DLG2: variants seen among roughly 807,000 people sequenced by gnomAD.
DLG2 encodes disks large homolog 2.
Under a neutral mutation model 132.5 loss-of-function variants are expected in DLG2, and 45 were observed. The observed-to-expected ratio is 0.34, with a 90% CI of 0.27 to 0.44. The LOEUF is 0.44. Among genes scored for constraint, DLG2 ranks in the 20% least tolerant of loss-of-function variants. DLG2 has a pLI of 1.00. For synonymous variants in DLG2, 424 were observed against 419.6 expected, an observed-to-expected ratio of 1.01 and a Z score of -0.13; for missense variants, 1,045 against 1,196.9, an observed-to-expected ratio of 0.87 and a Z score of 1.87.
At chr11:83,696,509 C>A (rs947301687) in intron 18 of DLG2, among the ~76,000 whole-genome samples, 3 of 152,062 alleles carry the variant, frequency 2.0e-5, no homozygotes, top group Admixed American at 6.5e-5. Flanking sequence ...TTTTGGGCAT[C>A]TTGATATGAA....
intron 6 of DLG2, among the ~76,000 whole-genome samples, chr11:84,568,189 T>C (rs75652591): frequency 1.2e-3 from 184 of 152,224 alleles, no homozygotes; most frequent in Non-Finnish European, 2.0e-3. Flanking sequence ...TACTTCTGTG[T>C]TCCTGTGACA....
chr11:84,371,649 G>C (rs2098707047), intron 7 of DLG2, among the ~76,000 whole-genome samples: 1 of 152,010 alleles, frequency 6.6e-6, no homozygotes, highest in Admixed American at 6.6e-5. Context: ...GATTAAACAT[G>C]GCCTACCAAA....
intron 11 of DLG2, among the ~76,000 whole-genome samples, chr11:84,035,114 A>G (rs776651704): frequency 9.9e-5 from 15 of 151,936 alleles, no homozygotes; most frequent in Non-Finnish European, 2.2e-4. Flanking sequence ...GGTACTGTTC[A>G]TTTTTTCTCA....
intron 6 of DLG2, among the ~76,000 whole-genome samples, chr11:84,830,961 C>CCT (rs1555246505): frequency 9.2e-6 from 1 of 108,268 alleles, no homozygotes; most frequent in Non-Finnish European, 1.8e-5. Flanking sequence ...TCCCCCCACC[C>CCT]CCCCCAGCTC....
chr11:83,806,047 TG>T (rs1364592034), intron 17 of DLG2, among the ~76,000 whole-genome samples: 1 of 152,144 alleles, frequency 6.6e-6, no homozygotes, highest in African/African-American at 2.4e-5. Flanking sequence ...GTTATTCCCT[TG>T]GGCCTAACTT....
At chr11:85,504,168 T>C (rs1406004165) in intron 3 of DLG2, among the ~76,000 whole-genome samples, 2 of 152,208 alleles carry the variant, frequency 1.3e-5, no homozygotes, top group African/African-American at 2.4e-5. Flanking sequence ...AGGTTGCCTG[T>C]TCACTCTGAT....
At chr11:83,693,072 G>A (rs776609927) in intron 18 of DLG2, 2 of 152,172 alleles carry the variant, frequency 1.3e-5, no homozygotes, top group Non-Finnish European at 2.9e-5. Flanking sequence ...TTCTGAGAAA[G>A]TAAATAAGCT....
chr11:84,246,427 T>C (rs1474900202), intron 8 of DLG2, among the ~76,000 whole-genome samples: 1 of 152,156 alleles, frequency 6.6e-6, no homozygotes, highest in Non-Finnish European at 1.5e-5. Context: ...TTCAAGTAAC[T>C]CTTATTTTAC....
intron 11 of DLG2, among the ~76,000 whole-genome samples, chr11:84,039,930 T>C (rs1443481913): frequency 6.8e-6 from 1 of 147,536 alleles, no homozygotes; most frequent in African/African-American, 2.5e-5. Context: ...TGTGAGATGG[T>C]ATCTCATTGT....
At chr11:83,967,667 T>C (rs1592022442) in intron 12 of DLG2, among the ~76,000 whole-genome samples, 1 of 152,302 alleles carries the variant, frequency 6.6e-6, no homozygotes, top group East Asian at 1.9e-4. Flanking sequence ...TGCAATTTTT[T>C]CCCAATTTGT....
chr11:84,523,830 T>C (rs1360003206), intron 7 of DLG2, among the ~76,000 whole-genome samples: 1 of 152,222 alleles, frequency 6.6e-6, no homozygotes, highest in African/African-American at 2.4e-5. Flanking sequence ...AACACTTATC[T>C]AGAATTTTCT....
chr11:84,777,981 G>T (rs1019411737), intron 6 of DLG2, among the ~76,000 whole-genome samples: 2 of 151,978 alleles, frequency 1.3e-5, no homozygotes, highest in Non-Finnish European at 2.9e-5. Flanking sequence ...GTCTATTTTT[G>T]GTTTTGTTGC....
chr11:83,719,354 G>A (rs917862200), intron 18 of DLG2, among the ~76,000 whole-genome samples: 7 of 152,172 alleles, frequency 4.6e-5, no homozygotes, highest in African/African-American at 1.7e-4. Flanking sequence ...ATACCTCTGA[G>A]CACACTCAAA....
chr11:84,387,240 T>C (rs946475439), intron 7 of DLG2, among the ~76,000 whole-genome samples: 8 of 152,066 alleles, frequency 5.3e-5, no homozygotes, highest in African/African-American at 1.9e-4. Flanking sequence ...GAAGTGGTGA[T>C]TGACATCTAA....
chr11:85,511,305 T>A (rs1464748204), intron 3 of DLG2, among the ~76,000 whole-genome samples: 1 of 151,950 alleles, frequency 6.6e-6, no homozygotes, highest in African/African-American at 2.4e-5. Context: ...CATACCAACA[T>A]GGCACATGTA....
intron 7 of DLG2, among the ~76,000 whole-genome samples, chr11:84,461,784 C>T (rs2099080932): frequency 6.7e-6 from 1 of 150,254 alleles, no homozygotes; most frequent in African/African-American, 2.4e-5. Flanking sequence ...GAGAAAGGTG[C>T]CAGTTTATAG....
intron 18 of DLG2, among the ~76,000 whole-genome samples, chr11:83,776,975 C>CTT (rs2094607050): frequency 6.6e-6 from 1 of 152,120 alleles, no homozygotes; most frequent in Admixed American, 6.5e-5. Context: ...TGAGCATTCA[C>CTT]TTTGTATAAT....
intron 4 of DLG2, among the ~76,000 whole-genome samples, chr11:85,245,919 A>G (rs1204255563): frequency 6.6e-6 from 1 of 151,920 alleles, no homozygotes; most frequent in Non-Finnish European, 1.5e-5. Flanking sequence ...AAAAATCCAC[A>G]TAGGTAATTC....
chr11:84,860,823 A>G (rs1284234575), intron 6 of DLG2, among the ~76,000 whole-genome samples: 1 of 152,034 alleles, frequency 6.6e-6, no homozygotes, highest in Non-Finnish European at 1.5e-5. Context: ...CACTGAAGAC[A>G]AGAGAATTCC....
Sources: allele counts gnomAD v4.1 joint callset (sites outside exome capture counted in the v4.1 genomes callset), GRCh38; gene constraint gnomAD v4.1.1; transcripts MANE v1.5; gene names NCBI Gene and HGNC (gene_info 2026-07-23, HGNC 2026-07-21).